The following KATNAL2 variants were observed in gnomAD, a reference collection of about 807,000 sequenced individuals.
KATNAL2 encodes the protein katanin catalytic subunit A1 like 2, also known as katanin p60 ATPase-containing subunit A-like 2.
KATNAL2 carries 52 observed loss-of-function variants against 76.3 expected under a neutral mutation model. That is an observed-to-expected ratio of 0.68 (90% CI 0.55 to 0.86). KATNAL2 has a LOEUF of 0.86. KATNAL2 is among the 40% of genes least tolerant of loss of function. The probability of loss-of-function intolerance (pLI) is 0.00; values close to 1 mark genes in which losing one functional copy is unlikely to be tolerated. For missense variants in KATNAL2, 660 were observed against 668.9 expected (o/e 0.99, Z 0.15); for synonymous variants, 243 against 244.2 (o/e 1.00, Z 0.05).
At chr18:46,937,248 T>C (rs1463280708) in intron 1 of KATNAL2, among the ~76,000 whole-genome samples, 1 of 152,064 alleles carries the variant, frequency 6.6e-6, no homozygotes, top group African/African-American at 2.4e-5. Flanking sequence ...CAAATTTCAA[T>C]TGAGAGGCAT....
intron 3 of KATNAL2, chr18:47,032,651 C>A: frequency 8.7e-6 from 3 of 346,694 alleles, no homozygotes; most frequent in South Asian, 3.4e-5. Flanking sequence ...AAGTTCTTAT[C>A]TACTTGATTT....
At chr18:46,932,792 T>C (rs537215200) in intron 1 of KATNAL2, among the ~76,000 whole-genome samples, 3 of 150,504 alleles carry the variant, frequency 2.0e-5, no homozygotes, top group Non-Finnish European at 4.4e-5. Context: ...TGAGACAGAG[T>C]CTTGCTCTGT....
intron 15 of KATNAL2, among the ~76,000 whole-genome samples, chr18:47,097,914 T>C (rs1405220799): frequency 2.0e-5 from 3 of 152,172 alleles, no homozygotes; most frequent in Admixed American, 2.0e-4. Flanking sequence ...AATCTGAATA[T>C]GGACTGAGCA....
chr18:46,945,434 G>A (rs947342517), intron 1 of KATNAL2, among the ~76,000 whole-genome samples: 6 of 152,202 alleles, frequency 3.9e-5, no homozygotes, highest in Admixed American at 6.5e-5. Context: ...AGGGGTGAGA[G>A]TGGTTCTCCA....
At chr18:46,942,640 G>T (rs1351352978) in intron 1 of KATNAL2, among the ~76,000 whole-genome samples, 2 of 151,744 alleles carry the variant, frequency 1.3e-5, no homozygotes, top group Non-Finnish European at 2.9e-5. Flanking sequence ...ACAAACAAAA[G>T]TTCATTTTGT....
chr18:47,095,483 CCT>C lies in KATNAL2; in HGVS notation c.1212-3753_1212-3752del, dbSNP rs200678488. Among the ~76,000 whole-genome samples, 1,195 of 152,286 alleles carry C rather than the reference CCT, an allele frequency of 7.8e-3. 6 individuals are homozygous for C. Among genetic ancestry groups the C allele is most frequent in the Non-Finnish European group, 0.012 (807 of 68,020 alleles). ...TGCCACCCTGTAAAGAAGATGCCTG[CCT>C]CTCTCTTTTGCTTTCCATCATGATT... is the stretch of plus-strand genomic sequence containing the variant. On this transcript the variant is annotated intron_variant, in intron 15 of 17. Coordinates refer to ENST00000683218, the MANE Select transcript of KATNAL2 (RefSeq NM_001387690.1).
At chr18:47,042,360 A>G (rs2060992901) in intron 3 of KATNAL2, among the ~76,000 whole-genome samples, 1 of 152,144 alleles carries the variant, frequency 6.6e-6, no homozygotes, top group Non-Finnish European at 1.5e-5. Context: ...AGGTTGCCTT[A>G]TTTGTTGTGT....
chr18:47,093,515 T>C (rs963836113), intron 15 of KATNAL2, among the ~76,000 whole-genome samples: 8 of 152,040 alleles, frequency 5.3e-5, no homozygotes, highest in East Asian at 1.9e-4. Flanking sequence ...TGTGTATTTA[T>C]GTGCATGTTT....
chr18:46,922,119 G>C (rs76519025), intron 1 of KATNAL2, among the ~76,000 whole-genome samples: 1 of 83,860 alleles, frequency 1.2e-5, no homozygotes, highest in African/African-American at 4.5e-5. Flanking sequence ...TTTTTTTTTT[G>C]AGACAGGGTC....
intron 15 of KATNAL2, among the ~76,000 whole-genome samples, chr18:47,085,602 A>G (rs2062735158): frequency 1.3e-5 from 2 of 151,974 alleles, no homozygotes; most frequent in Admixed American, 1.3e-4. Flanking sequence ...ACGTGAACCC[A>G]CCAACTAGTC....
chr18:47,046,610 T>G, intron 4 of KATNAL2, 83 bp downstream of exon 4: 7 of 981,424 alleles, frequency 7.1e-6, no homozygotes, highest in Admixed American at 2.1e-5. Flanking sequence ...TTAAATACAA[T>G]AGACTTTCTT....
chr18:47,069,385 G>A, intron 12 of KATNAL2, 97 bp from the exon 13 acceptor site: 1 of 1,349,974 alleles, frequency 7.4e-7, no homozygotes, highest in Non-Finnish European at 1.0e-6. Context: ...CGAGAGCTGA[G>A]CAGTCACTTC....
chr18:46,932,270 G>A (rs2058949596), intron 1 of KATNAL2, among the ~76,000 whole-genome samples: 1 of 152,080 alleles, frequency 6.6e-6, no homozygotes, highest in African/African-American at 2.4e-5. Flanking sequence ...ACATTTAGGA[G>A]CCAACCATAA....
intron 3 of KATNAL2, chr18:47,033,882 C>A: frequency 6.2e-7 from 1 of 1,613,834 alleles, no homozygotes; most frequent in Non-Finnish European, 8.5e-7. Context: ...GGTCCCAGAG[C>A]TCTGAGAAGA....
In KATNAL2 at chr18:47,100,362, G is replaced by C; in HGVS notation, c.1477+6G>C. On this transcript the variant is annotated splice_donor_region_variant and intron_variant, in intron 17 of 17. Transcript: ENST00000683218. The stretch of plus-strand genomic sequence containing the variant: ...ACTTGAAAATCACCAGTCAGGTATG[G>C]GTTGGATCACCATGAAGGTGTTCCA... The C allele has an allele frequency of 6.2e-7, 1 of 1,609,268 alleles. No homozygotes were observed. The highest frequency in any genetic ancestry group is 1.3e-5 in the African/African-American group (1 of 74,932).
chr18:47,075,345 G>T lies in KATNAL2; in HGVS notation c.1077G>T (p.Met359Ile). 6.5e-7 allele frequency: 1 copy of T among 1,549,198 alleles called. No individual in the cohort carries two copies. Among genetic ancestry groups the T allele is most frequent in the South Asian group, 1.3e-5 (1 of 79,874 alleles). The part of the protein sequence containing the change: ...TIFLDELESV[M>I]SQRGTASGGE... ...TCCTGGACGAGCTGGAGTCGGTGAT[G>T]AGTCAGAGAGGCACAGCTTCTGGGT... Residue 359 changes from methionine (M) to isoleucine (I), a missense_variant, in exon 14 of 18, where the codon ATG becomes ATT. Physicochemically the swap from Met to Ile is conservative, Grantham distance 10. Transcript: ENST00000683218.
chr18:46,946,995 A>T (rs559297253), intron 3 of KATNAL2, 72 bp downstream of exon 3: 2 of 1,078,442 alleles, frequency 1.9e-6, no homozygotes, highest in Admixed American at 4.0e-5. Flanking sequence ...GACGATTCCG[A>T]GTCTCCGGTT....
chr18:46,960,420 G>A (rs1195977819), intron 3 of KATNAL2, among the ~76,000 whole-genome samples: 7 of 118,638 alleles, frequency 5.9e-5, no homozygotes, highest in Non-Finnish European at 1.1e-4. Flanking sequence ...ACCCAAGAGC[G>A]AAACTTCAAA....
chr18:47,034,353 G>A, intron 3 of KATNAL2: 2 of 1,613,772 alleles, frequency 1.2e-6, no homozygotes, highest in East Asian at 2.2e-5. Context: ...GCCTCTTCTG[G>A]TGACTGTCTG....
Sources: gnomAD v4.1 joint callset for allele counts (sites outside exome capture counted in the v4.1 genomes callset) on GRCh38, gnomAD v4.1.1 for gene constraint, MANE v1.5 for transcripts, NCBI Gene and HGNC (gene_info 2026-07-23, HGNC 2026-07-21) for gene names.